The following DNAH9 variants were observed in gnomAD, a reference collection of about 807,000 sequenced individuals.
DNAH9 encodes DNAH9 variant protein.
A neutral mutation model predicts 471.6 loss-of-function variants in DNAH9; 345 were observed. That is an observed-to-expected ratio of 0.73 (90% CI 0.67 to 0.80). DNAH9 has a LOEUF of 0.80. DNAH9 is among the 30% of genes least tolerant of loss of function. The probability of loss-of-function intolerance (pLI) is 0.00; values close to 1 mark genes in which losing one functional copy is unlikely to be tolerated. For synonymous variants in DNAH9, 2,093 were observed against 2,123.6 expected (o/e 0.99, Z 0.40); for missense variants, 5,407 against 5,609.2 (o/e 0.96, Z 1.15).
rs1389496088 is a variant in DNAH9 at position 11,598,670 on chromosome 17, G to C, written c.172G>C (p.Ala58Pro). Reference protein sequence around the residue: ...GSAEAEQLLQAFLGRDAAEGP... With the variant: ...GSAEAEQLLQPFLGRDAAEGP... ...TGCTGAGGCGGAGCAGCTGCTCCAGGCCTTCCTGGGCCGCGATGCTGCCGA... is the reference window on the plus strand; with the variant it reads ...TGCTGAGGCGGAGCAGCTGCTCCAGCCCTTCCTGGGCCGCGATGCTGCCGA... Residue 58 changes from alanine to proline, a missense_variant, in exon 1 of 69, where the codon GCC becomes CCC. Transcript: ENST00000262442. 1 of 1,362,486 alleles carries C rather than the reference G, an allele frequency of 7.3e-7. No individual in the cohort carries two copies. The highest frequency in any genetic ancestry group is 3.1e-5 in the East Asian group (1 of 32,206). 84.4% of individuals were successfully genotyped at this position (1,362,486 alleles called of 1,614,324 possible). A position where few individuals can be genotyped will look rare whatever the true frequency, so the allele number is the denominator to read the frequency against.
chr17:11,845,940 C>A (rs2150963173), intron 49 of DNAH9, among the ~76,000 whole-genome samples: 1 of 150,682 alleles, frequency 6.6e-6, no homozygotes, highest in African/African-American at 2.4e-5. Context: ...AATTTTCTCC[C>A]ATGTTGTAGG....
At chr17:11,917,085 G>A (rs1014245502) in intron 61 of DNAH9, among the ~76,000 whole-genome samples, 26 of 152,148 alleles carry the variant, frequency 1.7e-4, no homozygotes, top group Admixed American at 1.7e-3. Context: ...GAGGAGAAGC[G>A]GGGATGGAGT....
Position 11,598,557 on chromosome 17 carries a change from G to A in DNAH9, c.59G>A (p.Gly20Asp). The A allele has an allele frequency of 2.1e-6, 3 of 1,408,488 alleles. No individual in the cohort carries two copies. Among genetic ancestry groups the A allele is most frequent in the South Asian group, 1.5e-5 (1 of 65,626 alleles). The allele number at this position is 1,408,488 out of a possible 1,614,324, so 87.2% of individuals were successfully genotyped here. ...LAAENADGEP[G>D]ADRRLRLLGT... ...GCGGAGAACGCGGATGGGGAACCCGGCGCCGACCGACGACTGCGACTCCTG... is the reference window on the plus strand; with the variant it reads ...GCGGAGAACGCGGATGGGGAACCCGACGCCGACCGACGACTGCGACTCCTG... The change falls in exon 1 of 69, where the codon GGC (glycine) becomes GAC (aspartate). Residue 20 changes from glycine to aspartate, a missense_variant. Gly to Asp is a moderately conservative substitution (Grantham distance 94). This residue lies in a region of DNAH9 where 767 missense variants were observed against 692.5 expected (regional missense o/e 1.11). Coordinates refer to ENST00000262442, the MANE Select transcript of DNAH9 (RefSeq NM_001372.4).
chr17:11,621,679 A>G (rs1243194111), intron 6 of DNAH9, among the ~76,000 whole-genome samples: 1 of 152,196 alleles, frequency 6.6e-6, no homozygotes, highest in Non-Finnish European at 1.5e-5. Flanking sequence ...TCCCTGTAAG[A>G]GGCTGGTGGA....
At chr17:11,724,202 A>G (rs2075113740) in intron 27 of DNAH9, among the ~76,000 whole-genome samples, 1 of 152,104 alleles carries the variant, frequency 6.6e-6, no homozygotes, top group Non-Finnish European at 1.5e-5. Flanking sequence ...AACATTCCAA[A>G]TCTCCTCTTC....
At chr17:11,749,063 GGTTTT>G (rs1967031284) in intron 32 of DNAH9, among the ~76,000 whole-genome samples, 2 of 25,540 alleles carry the variant, frequency 7.8e-5, no homozygotes, top group Admixed American at 5.4e-4. Flanking sequence ...TTTTTAAGAG[GGTTTT>G]TTTTTGTTTT....
intron 32 of DNAH9, among the ~76,000 whole-genome samples, chr17:11,749,662 C>T (rs529640893): frequency 6.6e-6 from 1 of 151,998 alleles, no homozygotes; most frequent in East Asian, 1.9e-4. Flanking sequence ...TAGTATGAGG[C>T]AGGGTACAGA....
chr17:11,608,006 CCTTCCAGCACA>C, intron 1 of DNAH9, 112 bp from the exon 2 acceptor site: 1 of 650,582 alleles, frequency 1.5e-6, no homozygotes, highest in Non-Finnish European at 2.6e-6. Context: ...TATTATTAGG[CCTTCCAGCACA>C]GTGACCTGCA....
At chr17:11,620,150 G>A (rs2072826937) in intron 6 of DNAH9, among the ~76,000 whole-genome samples, 2 of 151,964 alleles carry the variant, frequency 1.3e-5, no homozygotes, top group Non-Finnish European at 2.9e-5. Flanking sequence ...AGGAGGCAGA[G>A]GTTGCAGTGA....
intron 49 of DNAH9, among the ~76,000 whole-genome samples, chr17:11,845,858 T>A (rs1182565577): frequency 7.0e-6 from 1 of 143,506 alleles, no homozygotes; most frequent in African/African-American, 2.7e-5. Context: ...GGGTTGTTTT[T>A]TTCTTGTAAA....
chr17:11,629,360 G>A lies in DNAH9; in HGVS notation c.1351-57G>A, dbSNP rs566068483. Reference sequence around the variant, plus strand: ...GAGAACATGCGGTGTTTGGTTTTTTGTCCTTGCGATAGTTTGCTGAGAATG... The same window carrying A: ...GAGAACATGCGGTGTTTGGTTTTTTATCCTTGCGATAGTTTGCTGAGAATG... On this transcript the variant is annotated intron_variant, in intron 6 of 68. Coordinates refer to ENST00000262442, the MANE Select transcript of DNAH9 (RefSeq NM_001372.4). 312 of 1,398,738 alleles carry A rather than the reference G, an allele frequency of 2.2e-4. 1 individual carries two copies. In the African/African-American group the frequency reaches 2.6e-3, roughly 12 times the overall value. 86.6% of individuals were successfully genotyped at this position (1,398,738 alleles called of 1,614,324 possible).
chr17:11,612,073 G>A (rs189169595), intron 4 of DNAH9: 5 of 589,170 alleles, frequency 8.5e-6, no homozygotes, highest in Admixed American at 3.0e-5. Flanking sequence ...TTCTAGGTCC[G>A]TGTGAGATTA....
At position 11,881,288 on chromosome 17, in the gene DNAH9, C is replaced by T; in HGVS notation, c.10681C>T (p.His3561Tyr). 6.2e-7 allele frequency: 1 copy of T among 1,614,210 alleles called. No homozygotes were observed. The highest frequency in any genetic ancestry group is 1.1e-5 in the South Asian group (1 of 91,084). The change falls in exon 55 of 69, where the codon CAC becomes TAC. Residue 3561 changes from histidine to tyrosine, a missense_variant. His to Tyr is a moderately conservative substitution (Grantham distance 83). Around this residue, in one of 3 missense-constraint regions of DNAH9, gnomAD observed 4,636 missense variants for 4,900.3 expected, o/e 0.95. Transcript: ENST00000262442. ...LILHTKLANP[H>Y]YQPELQAQAT... ...CCTCCACACCAAGCTGGCTAATCCT[C>T]ACTACCAGCCTGAGCTGCAGGCTCA...
chr17:11,752,789 A>G, intron 32 of DNAH9, 44 bp from the exon 33 acceptor site: 4 of 1,495,016 alleles, frequency 2.7e-6, no homozygotes, highest in Non-Finnish European at 1.8e-6. Context: ...GTGAAAGAGG[A>G]TTAATGAAGA....
Position 11,651,336 on chromosome 17 carries a change from C to T in DNAH9, c.2353+12C>T, listed in dbSNP as rs190760637. On this transcript the variant is annotated intron_variant, in intron 13 of 68. Transcript: ENST00000262442. ...CTGGAAAACAGAAGGTAACAGGGCA[C>T]CATCTGAAGTCTGACAAAAACATGG... 1,181 of 1,606,128 alleles carry T rather than the reference C, an allele frequency of 7.4e-4. No homozygotes were observed. The highest frequency in any genetic ancestry group is 2.0e-3 in the Admixed American group (120 of 59,040).
At chr17:11,939,062 T>C (rs1327922239) in intron 66 of DNAH9, among the ~76,000 whole-genome samples, 1 of 152,218 alleles carries the variant, frequency 6.6e-6, no homozygotes, top group Admixed American at 6.5e-5. Context: ...ATCAAAATAG[T>C]ATTTCTCAAA....
At position 11,742,245 on chromosome 17, in the gene DNAH9, G is replaced by A; in HGVS notation, c.6043G>A (p.Glu2015Lys). Reference sequence around the variant, plus strand: ...CATGCTGGTGGCAGAAGGATTCATTGAAGCCCAGTCATTAGCCAGAAAGTT... The same window carrying A: ...CATGCTGGTGGCAGAAGGATTCATTAAAGCCCAGTCATTAGCCAGAAAGTT... Reference protein sequence around the residue: ...EIMLVAEGFIEAQSLARKFIT... With the variant: ...EIMLVAEGFIKAQSLARKFIT... The change falls in exon 30 of 69, where the codon GAA becomes AAA. Residue 2015 changes from glutamate (E) to lysine (K), a missense_variant. Glu to Lys is a moderately conservative substitution (Grantham distance 56, BLOSUM62 1). Around this residue, in one of 3 missense-constraint regions of DNAH9, gnomAD observed 4,636 missense variants for 4,900.3 expected, o/e 0.95. Coordinates refer to ENST00000262442, the MANE Select transcript of DNAH9 (RefSeq NM_001372.4). 1 of 1,614,056 alleles carries A rather than the reference G, an allele frequency of 6.2e-7. No homozygotes were observed. Among genetic ancestry groups the A allele is most frequent in the Non-Finnish European group, 8.5e-7 (1 of 1,179,962 alleles).
Position 11,669,559 on chromosome 17 carries a change from A to G in DNAH9, c.3118A>G (p.Ile1040Val). ...LYGHILTPEEIEDHVEDGIPE... is the reference protein window; with the variant it reads ...LYGHILTPEEVEDHVEDGIPE... ...CGGGCACATCCTCACTCCGGAAGAA[A>G]TTGAAGACCATGTGGAAGATGGCAT... The change falls in exon 17 of 69, where the codon ATT (isoleucine) becomes GTT (valine). Residue 1040 changes from isoleucine to valine, a missense_variant. Physicochemically the swap from Ile to Val is conservative, Grantham distance 29. Coordinates refer to ENST00000262442, the MANE Select transcript of DNAH9 (RefSeq NM_001372.4). 6.2e-7 allele frequency: 1 copy of G among 1,614,154 alleles called. No homozygotes were observed. The highest frequency in any genetic ancestry group is 8.5e-7 in the Non-Finnish European group (1 of 1,180,026).
chr17:11,888,377 A>C (rs958520587), intron 57 of DNAH9, among the ~76,000 whole-genome samples: 7 of 152,202 alleles, frequency 4.6e-5, no homozygotes, highest in African/African-American at 1.7e-4. Flanking sequence ...TTAAAACAGC[A>C]TAAAAATTGG....
Sources: gnomAD v4.1 joint callset for allele counts (sites outside exome capture counted in the v4.1 genomes callset) on GRCh38, gnomAD v4.1.1 for gene constraint, gnomAD v4.1.1 regional missense constraint, MANE v1.5 for transcripts, NCBI Gene and HGNC (gene_info 2026-07-23, HGNC 2026-07-21) for gene names.